Variants in TG observed in about 807,000 individuals in gnomAD.
The protein encoded by TG is thyroid hormones.
A neutral mutation model predicts 324.7 loss-of-function variants in TG; 270 were observed. The observed-to-expected ratio is 0.83, with a 90% CI of 0.75 to 0.92. TG has a LOEUF of 0.92. Ranked by LOEUF, TG falls within the 40% of genes least tolerant of loss-of-function variation. The pLI is 0.00. For missense variants in TG, 3,591 were observed against 3,456.4 expected, an observed-to-expected ratio of 1.04 and a Z score of -0.98; for synonymous variants, 1,401 against 1,327.0, an observed-to-expected ratio of 1.06 and a Z score of -1.21.
rs538184808 is a variant in TG at position 133,018,260 on chromosome 8, G to A, written c.6782+263G>A. Among the ~76,000 whole-genome samples, 25 of 152,328 alleles carry A rather than the reference G, an allele frequency of 1.6e-4. 1 individual carries two copies. Among genetic ancestry groups the A allele is most frequent in the East Asian group, 5.8e-4 (3 of 5,180 alleles). On this transcript the variant is annotated intron_variant, in intron 38 of 47. Coordinates refer to ENST00000220616, the MANE Select transcript of TG (RefSeq NM_003235.5). ...CTGCTCCATGCAGTGATTCAGGGAC[G>A]CAGGCTGATGGAGGCTCTGCCTTCT...
chr8:132,996,485 C>T (rs1832899931), intron 35 of TG, among the ~76,000 whole-genome samples: 1 of 152,174 alleles, frequency 6.6e-6, no homozygotes, highest in African/African-American at 2.4e-5. Flanking sequence ...CTGTTAAGCA[C>T]ACAGTGAACA....
intron 4 of TG, among the ~76,000 whole-genome samples, chr8:132,872,674 G>A (rs1417167231): frequency 6.6e-6 from 1 of 152,016 alleles, no homozygotes. Flanking sequence ...TGCAAGCTCC[G>A]TTCATGGTAA....
chr8:133,117,223 C>A (rs7815657), intron 45 of TG, among the ~76,000 whole-genome samples: 2,518 of 152,234 alleles, frequency 0.017, 66 homozygotes, highest in African/African-American at 0.058. Context: ...AGGAAACCAA[C>A]CATAAAGGAA....
At position 133,029,965 on chromosome 8, in the gene TG, T is replaced by A. The variant is rs752789418; in HGVS notation, c.7181T>A (p.Ile2394Asn). The A allele has an allele frequency of 3.2e-5, 52 of 1,614,020 alleles. No individual in the cohort carries two copies. The Admixed American group carries it at 8.7e-4, about 27-fold the overall frequency. ...ADRGGADVAS[I>N]HLLTARATNS... ...CGTGGCGGGGCTGATGTGGCCAGCA[T>A]CCACCTTCTCACGGCCAGGGCCACC... is the stretch of plus-strand genomic sequence containing the variant. The change falls in exon 41 of 48, where the codon ATC becomes AAC. Residue 2394 changes from isoleucine to asparagine, a missense_variant. Ile to Asn is a moderately radical substitution (Grantham distance 149). Coordinates refer to ENST00000220616, the MANE Select transcript of TG (RefSeq NM_003235.5).
chr8:132,869,088 C>A (rs990301503), intron 2 of TG, among the ~76,000 whole-genome samples: 2 of 152,216 alleles, frequency 1.3e-5, no homozygotes, highest in Non-Finnish European at 2.9e-5. Context: ...AGGAGGAAGT[C>A]TCACTTTCAC....
intron 37 of TG, among the ~76,000 whole-genome samples, chr8:133,015,958 C>A (rs1034275073): frequency 2.0e-5 from 3 of 152,140 alleles, no homozygotes; most frequent in African/African-American, 4.8e-5. Flanking sequence ...TGTGTCCCCC[C>A]ACCCCTGCCA....
chr8:132,961,310 G>T (rs1322190895), intron 28 of TG, among the ~76,000 whole-genome samples: 1 of 152,180 alleles, frequency 6.6e-6, no homozygotes, highest in Non-Finnish European at 1.5e-5. Context: ...GAAGCACTAG[G>T]TTCCCGCGAG....
At chr8:133,119,510 C>T (rs1437201120) in intron 45 of TG, among the ~76,000 whole-genome samples, 2 of 152,188 alleles carry the variant, frequency 1.3e-5, no homozygotes, top group East Asian at 1.9e-4. Flanking sequence ...TCGCTGACTG[C>T]TTCACAGGTG....
chr8:133,095,162 G>C lies in TG; in HGVS notation c.7358G>C (p.Cys2453Ser), dbSNP rs757056280. The change falls in exon 42 of 48, where the codon TGC becomes TCC. Residue 2453 changes from cysteine (C) to serine (S), a missense_variant. Physicochemically the swap from Cys to Ser is moderately radical, Grantham distance 112. Transcript: ENST00000220616. ...TCATCCAGCCAAGAAGTGGTGTCCTGCCTCCGCCAGAAGCCTGCCAATGTC... is the reference window on the plus strand; with the variant it reads ...TCATCCAGCCAAGAAGTGGTGTCCTCCCTCCGCCAGAAGCCTGCCAATGTC... ...PMSSSQEVVS[C>S]LRQKPANVLN... 1 of 1,614,240 alleles carries C rather than the reference G, an allele frequency of 6.2e-7. No homozygotes were observed. The highest frequency in any genetic ancestry group is 1.7e-5 in the Admixed American group (1 of 60,030).
At chr8:132,921,538 A>C (rs1199977515) in intron 21 of TG, among the ~76,000 whole-genome samples, 1 of 152,244 alleles carries the variant, frequency 6.6e-6, no homozygotes, top group Non-Finnish European at 1.5e-5. Context: ...ACTGAAGAGA[A>C]GCACAGGGCA....
intron 41 of TG, chr8:133,045,027 C>G (rs774166762): frequency 2.8e-5 from 46 of 1,614,074 alleles, no homozygotes; most frequent in Non-Finnish European, 3.8e-5. Context: ...GGAAGGTGAG[C>G]CTCGGGGAAA....
In TG at chr8:132,896,711, C is replaced by T. The variant is rs149131810; in HGVS notation, c.3002-938C>T. ...CCTCTCCCCCTCATGCATTCATTCA[C>T]GCTTTTTTCCCAATCGGTGATTTCT... is the stretch of plus-strand genomic sequence containing the variant. On this transcript the variant is annotated intron_variant, in intron 11 of 47. Transcript: ENST00000220616. Among the ~76,000 whole-genome samples the T allele has an allele frequency of 4.2e-3, 636 of 152,284 alleles. 4 individuals are homozygous for T. The highest frequency in any genetic ancestry group is 0.014 in the African/African-American group (590 of 41,578).
Position 132,966,577 on chromosome 8 carries a change from T to G in TG, c.5566T>G (p.Phe1856Val), listed in dbSNP as rs1429350723. 1 of 1,614,096 alleles carries G rather than the reference T, an allele frequency of 6.2e-7. No homozygotes were observed. The highest frequency in any genetic ancestry group is 2.2e-5 in the East Asian group (1 of 44,864). ...PTEAGLTTEL[F>V]SPVDLNQVIV... Reference sequence around the variant, plus strand: ...TTTTTCAGGTTTGACAACAGAACTTTTCTCCCCTGTGGACCTCAACCAGGT... The same window carrying G: ...TTTTTCAGGTTTGACAACAGAACTTGTCTCCCCTGTGGACCTCAACCAGGT... The change falls in exon 30 of 48, where the codon TTC becomes GTC. Residue 1856 changes from phenylalanine to valine, a missense_variant. Transcript: ENST00000220616.
intron 44 of TG, among the ~76,000 whole-genome samples, chr8:133,116,361 A>G (rs1850683096): frequency 6.6e-6 from 1 of 152,228 alleles, no homozygotes; most frequent in Admixed American, 6.5e-5. Flanking sequence ...ATCAGCATGG[A>G]CGCCAGTTTT....
intron 41 of TG, among the ~76,000 whole-genome samples, chr8:133,041,536 T>C (rs3779965): frequency 0.15 from 23,309 of 152,130 alleles, 2,539 homozygotes; most frequent in East Asian, 0.47. Context: ...GAAATTGAAA[T>C]GACCTCCCAG....
chr8:132,931,655 C>G (rs1035892145), intron 23 of TG, among the ~76,000 whole-genome samples: 7 of 152,136 alleles, frequency 4.6e-5, no homozygotes, highest in Admixed American at 3.9e-4. Flanking sequence ...GCTCATCCTT[C>G]TAACACTGAC....
rs768367681 is a variant in TG, at chr8:132,913,062, G to A, written c.4175G>A (p.Gly1392Asp). The change falls in exon 20 of 48, where the codon GGC (glycine) becomes GAC (aspartate). Residue 1392 changes from glycine (G) to aspartate (D), a missense_variant. Gly to Asp is a moderately conservative substitution (Grantham distance 94, BLOSUM62 -1). Transcript: ENST00000220616. ...TGTCTTACAGAGAGAGCCTTGGTGG[G>A]CAAGGATCTCCTTGGGCGCTTCACA... ...DLHDIERALV[G>D]KDLLGRFTDL... 6.8e-6 allele frequency: 11 copies of A among 1,613,984 alleles called. No individual in the cohort carries two copies. The highest frequency in any genetic ancestry group is 2.7e-5 in the African/African-American group (2 of 74,930).
intron 10 of TG, among the ~76,000 whole-genome samples, chr8:132,893,091 G>A (rs766200921): frequency 2.7e-5 from 4 of 146,250 alleles, no homozygotes; most frequent in Non-Finnish European, 6.0e-5. Flanking sequence ...GTATGTGTGT[G>A]GTGTTCATGT....
At chr8:132,911,680 ATAATCAATAGACT>A in intron 19 of TG, 147 bp downstream of exon 19, 2 of 701,332 alleles carry the variant, frequency 2.9e-6, no homozygotes, top group Non-Finnish European at 5.0e-6. Context: ...AAAACATATA[ATAATCAATAGACT>A]TCTTGCCAAT....
Sources: gnomAD v4.1 joint callset for allele counts (sites outside exome capture counted in the v4.1 genomes callset) on GRCh38, gnomAD v4.1.1 for gene constraint, MANE v1.5 for transcripts, NCBI Gene and HGNC (gene_info 2026-07-23, HGNC 2026-07-21) for gene names.